H4C5: variants seen among roughly 807,000 people sequenced by gnomAD.
H4C5 encodes the protein H4 clustered histone 5, also known as histone H4.
Under a neutral mutation model 5.3 loss-of-function variants are expected in H4C5, and 15 were observed. The observed-to-expected ratio is 2.84, with a 90% CI of 1.90 to 4.37. The LOEUF (loss-of-function observed/expected upper bound fraction) is 4.37. Among genes scored for constraint, H4C5 ranks in the 30% most tolerant of loss-of-function variants. H4C5 has a pLI of 0.00. For synonymous variants in H4C5, 154 were observed against 56.9 expected, an observed-to-expected ratio of 2.71 and a Z score of -7.68; for missense variants, 153 against 145.7, an observed-to-expected ratio of 1.05 and a Z score of -0.26.
chr6:26,204,816 G>C lies in H4C5; in HGVS notation c.172G>C (p.Val58Leu). 6.2e-7 allele frequency: 1 copy of C among 1,614,190 alleles called. No individual in the cohort carries two copies. The highest frequency in any genetic ancestry group is 8.5e-7 in the Non-Finnish European group (1 of 1,180,032). ...TCTCATCTACGAGGAGACTCGCGGGGTTCTGAAGGTGTTTCTGGAAAACGT... is the reference window on the plus strand; with the variant it reads ...TCTCATCTACGAGGAGACTCGCGGGCTTCTGAAGGTGTTTCTGGAAAACGT... ...SGLIYEETRG[V>L]LKVFLENVIR... The change falls in exon 1 of 1, where the codon GTT (valine) becomes CTT (leucine). Residue 58 changes from valine to leucine, a missense_variant. Val to Leu is a conservative substitution (Grantham distance 32). Transcript: ENST00000615164.
At position 26,204,854 on chromosome 6, in the gene H4C5, T is replaced by C. The variant is rs145116190; in HGVS notation, c.210T>C (p.Ala70=). 7.8e-5 allele frequency: 126 copies of C among 1,614,082 alleles called. No homozygotes were observed. The highest frequency in any genetic ancestry group is 1.0e-4 in the Non-Finnish European group (123 of 1,180,036). Residue 70 remains alanine (A), a synonymous_variant, in exon 1 of 1, where the codon GCT becomes GCC. Coordinates refer to ENST00000615164, the MANE Select transcript of H4C5 (RefSeq NM_003545.4). ...KVFLENVIRD[A]VTYTEHAKRK... ...TTCTGGAAAACGTGATTCGTGATGC[T>C]GTGACTTACACGGAGCACGCCAAAC...
rs760134263 is a variant in H4C5 at position 26,204,932 on chromosome 6, C to T, written c.288C>T (p.Arg96=). The stretch of plus-strand genomic sequence containing the variant: ...TCTACGCGCTGAAGAGACAGGGACG[C>T]ACTCTTTACGGCTTCGGCGGCTAAT... The part of the protein sequence containing the change: ...DVVYALKRQG[R]TLYGFGG Residue 96 remains arginine, a synonymous_variant, in exon 1 of 1, where the codon CGC becomes CGT. Coordinates refer to ENST00000615164, the MANE Select transcript of H4C5 (RefSeq NM_003545.4). The T allele has an allele frequency of 2.5e-6, 4 of 1,608,810 alleles. No individual in the cohort carries two copies. Among genetic ancestry groups the T allele is most frequent in the Admixed American group, 3.3e-5 (2 of 59,954 alleles).
Position 26,204,795 on chromosome 6 carries a change from A to C in H4C5, c.151A>C (p.Ile51Leu), listed in dbSNP as rs756223901. 13 of 1,614,120 alleles carry C rather than the reference A, an allele frequency of 8.1e-6. No homozygotes were observed. Among genetic ancestry groups the C allele is most frequent in the East Asian group, 2.2e-5 (1 of 44,878 alleles). Reference protein sequence around the residue: ...RGGVKRISGLIYEETRGVLKV... With the variant: ...RGGVKRISGLLYEETRGVLKV... ...GGGTGTCAAGCGCATTTCTGGTCTC[A>C]TCTACGAGGAGACTCGCGGGGTTCT... Residue 51 changes from isoleucine to leucine, a missense_variant, in exon 1 of 1, where the codon ATC becomes CTC. Transcript: ENST00000615164.
chr6:26,204,847 G>T lies in H4C5; in HGVS notation c.203G>T (p.Arg68Leu). The T allele has an allele frequency of 6.2e-7, 1 of 1,614,170 alleles. No individual in the cohort carries two copies. Among genetic ancestry groups the T allele is most frequent in the Non-Finnish European group, 8.5e-7 (1 of 1,180,032 alleles). Residue 68 changes from arginine (R) to leucine (L), a missense_variant, in exon 1 of 1, where the codon CGT becomes CTT. Transcript: ENST00000615164. ...VLKVFLENVI[R>L]DAVTYTEHAK... Reference sequence around the variant, plus strand: ...AAGGTGTTTCTGGAAAACGTGATTCGTGATGCTGTGACTTACACGGAGCAC... The same window carrying T: ...AAGGTGTTTCTGGAAAACGTGATTCTTGATGCTGTGACTTACACGGAGCAC...
In H4C5 at chr6:26,204,944, C is replaced by G. The variant is rs148294745; in HGVS notation, c.300C>G (p.Gly100=). The change falls in exon 1 of 1, where the codon GGC becomes GGG. Residue 100 remains glycine, a synonymous_variant. Coordinates refer to ENST00000615164, the MANE Select transcript of H4C5 (RefSeq NM_003545.4). Reference sequence around the variant, plus strand: ...AGAGACAGGGACGCACTCTTTACGGCTTCGGCGGCTAATGCTACCGCTTAA... The same window carrying G: ...AGAGACAGGGACGCACTCTTTACGGGTTCGGCGGCTAATGCTACCGCTTAA... ...ALKRQGRTLY[G]FGG is the part of the protein sequence containing the mutation. 1 of 1,601,522 alleles carries G rather than the reference C, an allele frequency of 6.2e-7. No individual in the cohort carries two copies. The highest frequency in any genetic ancestry group is 8.6e-7 in the Non-Finnish European group (1 of 1,169,300).
In H4C5 at chr6:26,204,755, C is replaced by G. The variant is rs758993886; in HGVS notation, c.111C>G (p.Arg37=). 2.5e-6 allele frequency: 4 copies of G among 1,614,156 alleles called. No individual in the cohort carries two copies. The South Asian group carries it at 3.3e-5, about 13-fold the overall frequency. ...GCATTACCAAGCCTGCCATCCGGCG[C>G]CTTGCTCGTCGCGGGGGTGTCAAGC... ...IQGITKPAIR[R]LARRGGVKRI... The change falls in exon 1 of 1, where the codon CGC becomes CGG. Residue 37 remains arginine (R), a synonymous_variant. Coordinates refer to ENST00000615164, the MANE Select transcript of H4C5 (RefSeq NM_003545.4).
At position 26,204,949 on chromosome 6, in the gene H4C5, G is replaced by T. The variant is rs1413613785; in HGVS notation, c.305G>T (p.Gly102Val). Residue 102 changes from glycine to valine, a missense_variant, in exon 1 of 1, where the codon GGC becomes GTC. By Grantham distance (109) the Gly-to-Val change is moderately radical. Coordinates refer to ENST00000615164, the MANE Select transcript of H4C5 (RefSeq NM_003545.4). ...CAGGGACGCACTCTTTACGGCTTCG[G>T]CGGCTAATGCTACCGCTTAAACGAC... ...KRQGRTLYGF[G>V]G 6.2e-7 allele frequency: 1 copy of T among 1,600,418 alleles called. No homozygotes were observed. The highest frequency in any genetic ancestry group is 8.6e-7 in the Non-Finnish European group (1 of 1,168,562).
At position 26,204,628 on chromosome 6, in the gene H4C5, T is replaced by G. The variant is rs1255144310; in HGVS notation, c.-17T>G. ...GTTTTTCAGATTTTTGCGGCTATTT[T>G]CGTTGGTGTGTTGGTCATGTCTGGT... On this transcript the variant is annotated 5_prime_UTR_variant, in exon 1 of 1. Transcript: ENST00000615164. 1 of 1,557,476 alleles carries G rather than the reference T, an allele frequency of 6.4e-7. No homozygotes were observed. Among genetic ancestry groups the G allele is most frequent in the African/African-American group, 1.4e-5 (1 of 72,632 alleles).
chr6:26,204,685 G>T lies in H4C5; in HGVS notation c.41G>T (p.Gly14Val), dbSNP rs1287470124. The T allele has an allele frequency of 7.4e-6, 12 of 1,613,132 alleles. No homozygotes were observed. Among genetic ancestry groups the T allele is most frequent in the Non-Finnish European group, 9.3e-6 (11 of 1,179,150 alleles). Residue 14 changes from glycine (G) to valine (V), a missense_variant, in exon 1 of 1, where the codon GGA (glycine) becomes GTA (valine). Transcript: ENST00000615164. Reference sequence around the variant, plus strand: ...AAAGGCGGAAAGGGACTGGGTAAAGGAGGCGCTAAGCGTCACCGTAAGGTC... The same window carrying T: ...AAAGGCGGAAAGGGACTGGGTAAAGTAGGCGCTAAGCGTCACCGTAAGGTC... ...RGKGGKGLGK[G>V]GAKRHRKVLR...
chr6:26,204,923 A>G lies in H4C5; in HGVS notation c.279A>G (p.Arg93=). 3.1e-6 allele frequency: 5 copies of G among 1,610,626 alleles called. No homozygotes were observed. Among genetic ancestry groups the G allele is most frequent in the African/African-American group, 1.3e-5 (1 of 74,966 alleles). ...TGGATGTGGTCTACGCGCTGAAGAG[A>G]CAGGGACGCACTCTTTACGGCTTCG... The part of the protein sequence containing the change: ...TAMDVVYALK[R]QGRTLYGFGG Residue 93 remains arginine (R), a synonymous_variant, in exon 1 of 1, where the codon AGA becomes AGG. Coordinates refer to ENST00000615164, the MANE Select transcript of H4C5 (RefSeq NM_003545.4).
rs778048870 is a variant in H4C5, at chr6:26,204,880, G to GC, written c.237dup (p.Lys80GlnfsTer?). The GC allele has an allele frequency of 6.2e-7, 1 of 1,614,150 alleles. No homozygotes were observed. The highest frequency in any genetic ancestry group is 1.1e-5 in the South Asian group (1 of 91,078). On this transcript the variant is annotated frameshift_variant, in exon 1 of 1. Transcript: ENST00000615164. LOFTEE classifies it high-confidence loss of function. ...GTGACTTACACGGAGCACGCCAAAC[G>GC]CAAGACAGTGACAGCGATGGATGTG...
In H4C5 at chr6:26,204,706, A is replaced by AG; in HGVS notation, c.64dup (p.Val22GlyfsTer5). Reference sequence around the variant, plus strand: ...AAAGGAGGCGCTAAGCGTCACCGTAAGGTCCTGCGAGATAACATCCAGGGC... The same window carrying AG: ...AAAGGAGGCGCTAAGCGTCACCGTAAGGGTCCTGCGAGATAACATCCAGGGC... On this transcript the variant is annotated frameshift_variant, in exon 1 of 1. Transcript: ENST00000615164. LOFTEE classifies it high-confidence loss of function. The AG allele has an allele frequency of 6.2e-7, 1 of 1,614,122 alleles. No individual in the cohort carries two copies. Among genetic ancestry groups the AG allele is most frequent in the Non-Finnish European group, 8.5e-7 (1 of 1,179,982 alleles).
At position 26,205,018 on chromosome 6, in the gene H4C5, C is replaced by T. The variant is rs1765204389; in HGVS notation, c.*62C>T. On this transcript the variant is annotated 3_prime_UTR_variant, in exon 1 of 1. Coordinates refer to ENST00000615164, the MANE Select transcript of H4C5 (RefSeq NM_003545.4). ...AAATCAAAGGCCCTTTTCAGGGCCG[C>T]CCACAGTTTTCCGCAAAAGAGCTCA... 30 of 1,506,814 alleles carry T rather than the reference C, an allele frequency of 2.0e-5. No individual in the cohort carries two copies. Among genetic ancestry groups the T allele is most frequent in the South Asian group, 7.6e-5 (6 of 78,494 alleles). The allele number at this position is 1,506,814 out of a possible 1,614,324, so 93.3% of individuals were successfully genotyped here. A position where few individuals can be genotyped will look rare whatever the true frequency, so the allele number is the denominator to read the frequency against.
In H4C5 at chr6:26,204,997, C is replaced by T. The variant is rs913892696; in HGVS notation, c.*41C>T. ...GACTCAGCATCTCGACTTCCCAAAT[C>T]AAAGGCCCTTTTCAGGGCCGCCCAC... On this transcript the variant is annotated 3_prime_UTR_variant, in exon 1 of 1. Transcript: ENST00000615164. The T allele has an allele frequency of 5.1e-6, 8 of 1,564,592 alleles. No homozygotes were observed. The highest frequency in any genetic ancestry group is 1.4e-5 in the African/African-American group (1 of 73,574).
Position 26,204,848 on chromosome 6 carries a change from T to C in H4C5, c.204T>C (p.Arg68=). The C allele has an allele frequency of 6.2e-7, 1 of 1,614,174 alleles. No individual in the cohort carries two copies. Reference sequence around the variant, plus strand: ...AGGTGTTTCTGGAAAACGTGATTCGTGATGCTGTGACTTACACGGAGCACG... The same window carrying C: ...AGGTGTTTCTGGAAAACGTGATTCGCGATGCTGTGACTTACACGGAGCACG... ...VLKVFLENVI[R]DAVTYTEHAK... is the part of the protein sequence containing the mutation. Residue 68 remains arginine, a synonymous_variant, in exon 1 of 1, where the codon CGT becomes CGC. Transcript: ENST00000615164.
chr6:26,204,615 T>C lies in H4C5; in HGVS notation c.-30T>C. ...ACTACCGTCGCTTGTTTTTCAGATT[T>C]TTGCGGCTATTTTCGTTGGTGTGTT... On this transcript the variant is annotated 5_prime_UTR_variant, in exon 1 of 1. Transcript: ENST00000615164. 1.3e-6 allele frequency: 2 copies of C among 1,546,508 alleles called. No individual in the cohort carries two copies. Among genetic ancestry groups the C allele is most frequent in the Non-Finnish European group, 8.7e-7 (1 of 1,143,948 alleles).
rs762062147 is a variant in H4C5, at chr6:26,204,634, G to T, written c.-11G>T. The T allele has an allele frequency of 1.3e-6, 2 of 1,571,670 alleles. No individual in the cohort carries two copies. The highest frequency in any genetic ancestry group is 4.5e-5 in the East Asian group (2 of 44,142). On this transcript the variant is annotated 5_prime_UTR_variant, in exon 1 of 1. Coordinates refer to ENST00000615164, the MANE Select transcript of H4C5 (RefSeq NM_003545.4). ...CAGATTTTTGCGGCTATTTTCGTTG[G>T]TGTGTTGGTCATGTCTGGTCGCGGC... is the stretch of plus-strand genomic sequence containing the variant.
rs539637729 is a variant in H4C5, at chr6:26,204,752, G to A, written c.108G>A (p.Arg36=). Residue 36 remains arginine (R), a synonymous_variant, in exon 1 of 1, where the codon CGG becomes CGA. Transcript: ENST00000615164. ...NIQGITKPAI[R]RLARRGGVKR... ...AGGGCATTACCAAGCCTGCCATCCG[G>A]CGCCTTGCTCGTCGCGGGGGTGTCA... is the stretch of plus-strand genomic sequence containing the variant. 7 of 1,614,068 alleles carry A rather than the reference G, an allele frequency of 4.3e-6. No homozygotes were observed. The highest frequency in any genetic ancestry group is 5.9e-6 in the Non-Finnish European group (7 of 1,180,036).
At position 26,204,863 on chromosome 6, in the gene H4C5, C is replaced by G. The variant is rs748630727; in HGVS notation, c.219C>G (p.Tyr73Ter). 7 of 1,614,176 alleles carry G rather than the reference C, an allele frequency of 4.3e-6. No homozygotes were observed. Among genetic ancestry groups the G allele is most frequent in the Non-Finnish European group, 5.1e-6 (6 of 1,180,026 alleles). The change falls in exon 1 of 1, where the codon TAC becomes TAG. Residue 73 changes from tyrosine (Y) to a stop codon, truncating the protein, a stop_gained. Coordinates refer to ENST00000615164, the MANE Select transcript of H4C5 (RefSeq NM_003545.4). LOFTEE classifies it high-confidence loss of function. ...ACGTGATTCGTGATGCTGTGACTTA[C>G]ACGGAGCACGCCAAACGCAAGACAG... ...LENVIRDAVT[Y>*]TEHAKRKTVT...
Sources: gnomAD v4.1 joint callset for allele counts on GRCh38, gnomAD v4.1.1 for gene constraint, MANE v1.5 for transcripts, NCBI Gene and HGNC (gene_info 2026-07-23, HGNC 2026-07-21) for gene names.